B4GALT5: variants seen among roughly 807,000 people sequenced by gnomAD.
B4GALT5 encodes beta-1,4-galactosyltransferase 5, also known as UDP-Gal:beta-GlcNAc beta-1,4-galactosyltransferase 5.
A neutral mutation model predicts 45.0 loss-of-function variants in B4GALT5; 11 were observed. The ratio of observed to expected loss-of-function variants is 0.24; its 90% CI spans 0.15 to 0.40. The LOEUF (loss-of-function observed/expected upper bound fraction) is 0.40. B4GALT5 is among the 10% of genes least tolerant of loss of function. B4GALT5 has a pLI of 1.00. For synonymous variants in B4GALT5, 185 were observed against 182.9 expected (o/e 1.01, Z -0.09); for missense variants, 337 against 500.2 (o/e 0.67, Z 3.11).
chr20:49,636,070 G>T lies in B4GALT5; in HGVS notation c.*242C>A, dbSNP rs865829778. The T allele has an allele frequency of 2.9e-5, 15 of 522,070 alleles. No homozygotes were observed. The highest frequency in any genetic ancestry group is 1.1e-3 in the Middle Eastern group (2 of 1,894). The allele number at this position is 522,070 out of a possible 1,614,324, so 32.3% of individuals were successfully genotyped here. A position where few individuals can be genotyped will look rare whatever the true frequency, so the allele number is the denominator to read the frequency against. On this transcript the variant is annotated 3_prime_UTR_variant, in exon 9 of 9. Transcript: ENST00000371711. ...GAGCAGCGGGACAGACGTCTGTCTT[G>T]TGAAAACAGAAAGCCAGTGCTGACG...
chr20:49,694,488 CA>C (rs1013336185), intron 1 of B4GALT5, among the ~76,000 whole-genome samples: 1 of 151,752 alleles, frequency 6.6e-6, no homozygotes, highest in East Asian at 1.9e-4. Flanking sequence ...CTAGTCCCTA[CA>C]AAAAAATTTT....
chr20:49,697,583 T>C (rs2085844728), intron 1 of B4GALT5, among the ~76,000 whole-genome samples: 3 of 152,112 alleles, frequency 2.0e-5, no homozygotes, highest in South Asian at 2.1e-4. Context: ...TCCTTTTTTT[T>C]TTTTTTTTAA....
intron 1 of B4GALT5, among the ~76,000 whole-genome samples, chr20:49,695,938 C>A (rs2085838021): frequency 6.6e-6 from 1 of 152,170 alleles, no homozygotes; most frequent in Admixed American, 6.5e-5. Context: ...CTAATGCTTC[C>A]ATGTGGGATC....
chr20:49,686,713 G>C (rs1011221414), intron 1 of B4GALT5, among the ~76,000 whole-genome samples: 1 of 107,072 alleles, frequency 9.3e-6, no homozygotes, highest in African/African-American at 3.7e-5. Context: ...AACATAGCAA[G>C]ACCTTGTCTC....
intron 1 of B4GALT5, among the ~76,000 whole-genome samples, chr20:49,692,103 T>G (rs2085815426): frequency 6.6e-6 from 1 of 152,108 alleles, no homozygotes; most frequent in East Asian, 1.9e-4. Flanking sequence ...TTAAAAACTA[T>G]GTCCCCTACA....
chr20:49,700,446 C>T (rs913257205), intron 1 of B4GALT5, among the ~76,000 whole-genome samples: 9 of 152,256 alleles, frequency 5.9e-5, no homozygotes, highest in Admixed American at 5.9e-4. Flanking sequence ...CAGGCATGTG[C>T]CACCACACCT....
intron 1 of B4GALT5, among the ~76,000 whole-genome samples, chr20:49,703,729 A>AAAAAAAAATAATAAT (rs201073832): frequency 0.024 from 3,262 of 133,822 alleles, 144 homozygotes; most frequent in African/African-American, 0.087. Context: ...TTTCTACTAA[A>AAAAAAAAATAATAAT]AAAAAAAAAA....
At chr20:49,707,666 G>C (rs2085889973) in intron 1 of B4GALT5, among the ~76,000 whole-genome samples, 1 of 152,190 alleles carries the variant, frequency 6.6e-6, no homozygotes, top group Non-Finnish European at 1.5e-5. Flanking sequence ...CCCAGACAGA[G>C]TGCAGTGGTT....
In B4GALT5 at chr20:49,664,611, T is replaced by C. The variant is rs147962429; in HGVS notation, c.116-7909A>G. Among the ~76,000 whole-genome samples the C allele has an allele frequency of 3.5e-3, 538 of 152,080 alleles. 4 individuals are homozygous for C. Among genetic ancestry groups the C allele is most frequent in the Non-Finnish European group, 5.8e-3 (397 of 67,976 alleles). On this transcript the variant is annotated intron_variant, in intron 1 of 8. Transcript: ENST00000371711. ...TTTGACTAAATTCTGAATAGAAAAA[T>C]CAGAGTGCTAAAATAGATATTTTTG...
chr20:49,679,133 T>C (rs2085753424), intron 1 of B4GALT5, among the ~76,000 whole-genome samples: 1 of 152,172 alleles, frequency 6.6e-6, no homozygotes, highest in South Asian at 2.1e-4. Flanking sequence ...CTGGGATGAC[T>C]CAATAGATTA....
intron 1 of B4GALT5, among the ~76,000 whole-genome samples, chr20:49,697,212 G>A (rs6067187): frequency 6.6e-6 from 1 of 152,378 alleles, no homozygotes; most frequent in Non-Finnish European, 1.5e-5. Flanking sequence ...GGAGCCAAAA[G>A]GACACAGGTG....
At chr20:49,706,074 C>A (rs915630485) in intron 1 of B4GALT5, among the ~76,000 whole-genome samples, 1 of 151,368 alleles carries the variant, frequency 6.6e-6, no homozygotes, top group East Asian at 1.9e-4. Context: ...TGCCTGTAAT[C>A]CCAGCTACTC....
At chr20:49,709,562 G>A (rs539080696) in intron 1 of B4GALT5, among the ~76,000 whole-genome samples, 112 of 152,066 alleles carry the variant, frequency 7.4e-4, no homozygotes, top group South Asian at 6.2e-3. Flanking sequence ...ACTTGAGGTC[G>A]GGAGTTCGAG....
chr20:49,651,978 T>C (rs1234655571), intron 2 of B4GALT5, among the ~76,000 whole-genome samples: 11 of 151,422 alleles, frequency 7.3e-5, no homozygotes, highest in African/African-American at 2.7e-4. Context: ...ACTCAGGAGG[T>C]TGAGGCAGGA....
chr20:49,650,991 T>C (rs1028245615), intron 2 of B4GALT5, among the ~76,000 whole-genome samples: 1 of 152,162 alleles, frequency 6.6e-6, no homozygotes, highest in African/African-American at 2.4e-5. Flanking sequence ...GCAGCTGCTT[T>C]TACATTTAGA....
intron 1 of B4GALT5, among the ~76,000 whole-genome samples, chr20:49,682,935 TA>T (rs1397166126): frequency 1.3e-5 from 2 of 151,706 alleles, no homozygotes; most frequent in Admixed American, 6.6e-5. Flanking sequence ...TCTACTGACA[TA>T]AAAAAATATT....
At chr20:49,645,595 A>C (rs1378461969) in intron 3 of B4GALT5, among the ~76,000 whole-genome samples, 3 of 151,708 alleles carry the variant, frequency 2.0e-5, no homozygotes, top group East Asian at 3.9e-4. Context: ...CTAAAAATAC[A>C]AAAATTAGCC....
Position 49,636,241 on chromosome 20 carries a change from C to A in B4GALT5, c.*71G>T, listed in dbSNP as rs1018824370. 5 of 1,565,228 alleles carry A rather than the reference C, an allele frequency of 3.2e-6. No individual in the cohort carries two copies. Among genetic ancestry groups the A allele is most frequent in the South Asian group, 1.2e-5 (1 of 86,876 alleles). ...TTCTCTTGCTGTGTAGACCCTCCCC[C>A]CTCCAAAAAAAAATCTCATCGGACT... On this transcript the variant is annotated 3_prime_UTR_variant, in exon 9 of 9. Transcript: ENST00000371711.
chr20:49,691,015 T>C (rs564234215), intron 1 of B4GALT5, among the ~76,000 whole-genome samples: 8 of 152,322 alleles, frequency 5.3e-5, no homozygotes, highest in African/African-American at 1.7e-4. Context: ...AATTAGCAGA[T>C]TATGCCTGTG....
Sources: allele counts gnomAD v4.1 joint callset (sites outside exome capture counted in the v4.1 genomes callset), GRCh38; gene constraint gnomAD v4.1.1; transcripts MANE v1.5; gene names NCBI Gene and HGNC (gene_info 2026-07-23, HGNC 2026-07-21).